PLA2R1: variants seen among roughly 807,000 people sequenced by gnomAD.
PLA2R1 encodes phospholipase A2 receptor 1, also known as secretory phospholipase A2 receptor.
In PLA2R1, 158 loss-of-function variants were observed where a neutral mutation model predicts 195.9. The ratio of observed to expected loss-of-function variants is 0.81; its 90% CI spans 0.71 to 0.92. The LOEUF (loss-of-function observed/expected upper bound fraction) is 0.92. PLA2R1 is among the 40% of genes least tolerant of loss of function. The pLI is 0.00. For missense variants in PLA2R1, 1,626 were observed against 1,764.6 expected, an observed-to-expected ratio of 0.92 and a Z score of 1.41; for synonymous variants, 586 against 598.2, an observed-to-expected ratio of 0.98 and a Z score of 0.30.
chr2:159,945,976 C>T (rs1244559962), intron 27 of PLA2R1: 18 of 970,204 alleles, frequency 1.9e-5, no homozygotes, highest in Non-Finnish European at 2.2e-5. Flanking sequence ...AAGAAAAATC[C>T]TTTGAAGTCC....
At chr2:159,993,059 A>G (rs1412832210) in intron 11 of PLA2R1, among the ~76,000 whole-genome samples, 1 of 152,190 alleles carries the variant, frequency 6.6e-6, no homozygotes, top group East Asian at 1.9e-4. Flanking sequence ...CTTAACAAGT[A>G]TAGACTCATC....
intron 10 of PLA2R1, among the ~76,000 whole-genome samples, chr2:160,009,252 C>T (rs1231724710): frequency 6.6e-6 from 1 of 152,260 alleles, no homozygotes; most frequent in Non-Finnish European, 1.5e-5. Flanking sequence ...GGTATTTGTA[C>T]ATTCATGTTC....
chr2:160,049,891 C>T (rs941766272), intron 1 of PLA2R1, among the ~76,000 whole-genome samples: 10 of 151,966 alleles, frequency 6.6e-5, no homozygotes, highest in African/African-American at 2.2e-4. Flanking sequence ...ATAACACTTA[C>T]AAGTGGGAGA....
At chr2:159,924,510 G>T in the PLA2R1 span, among the ~76,000 whole-genome samples, 2 of 152,146 alleles carry the variant, frequency 1.3e-5, no homozygotes, top group Admixed American at 1.3e-4. Context: ...CAGGAAAGGT[G>T]TTCAAAGATG....
intron 27 of PLA2R1, 157 bp downstream of exon 27, chr2:159,946,644 T>A (rs1432040499): frequency 6.5e-6 from 9 of 1,388,520 alleles, no homozygotes; most frequent in Non-Finnish European, 7.5e-6. Flanking sequence ...AAGAAAAGGG[T>A]TGCAATGTTG....
Position 160,005,685 on chromosome 2 carries a change from CCGGCT to C in PLA2R1, c.1796_1800del (p.Glu599GlyfsTer38), listed in dbSNP as rs892809510. 6.2e-7 allele frequency: 1 copy of C among 1,613,966 alleles called. No individual in the cohort carries two copies. The highest frequency in any genetic ancestry group is 8.5e-7 in the Non-Finnish European group (1 of 1,179,980). The stretch of plus-strand genomic sequence containing the variant: ...TGTGTGTTCCAGTGTGTGTACTGCA[CCGGCT>C]CGGGTTTCTGCCCTACTGGCTTCCA... On this transcript the variant is annotated frameshift_variant, in exon 11 of 30. Coordinates refer to ENST00000283243, the MANE Select transcript of PLA2R1 (RefSeq NM_007366.5). LOFTEE classifies it high-confidence loss of function.
Position 159,970,473 on chromosome 2 carries a change from C to T in PLA2R1, c.2596-261G>A, listed in dbSNP as rs3792163. Reference sequence around the variant, plus strand: ...AACTTGAAAAGTAATGTTTCTAACTCTCTAAGAAGGTTTTAAAAAGTAATA... The same window carrying T: ...AACTTGAAAAGTAATGTTTCTAACTTTCTAAGAAGGTTTTAAAAAGTAATA... On this transcript the variant is annotated intron_variant, in intron 17 of 29. Coordinates refer to ENST00000283243, the MANE Select transcript of PLA2R1 (RefSeq NM_007366.5). Among the ~76,000 whole-genome samples the T allele has an allele frequency of 0.011, 1,693 of 152,194 alleles. 147 individuals carry two copies. In the East Asian group the frequency reaches 0.2, roughly 18 times the overall value.
intron 9 of PLA2R1, among the ~76,000 whole-genome samples, chr2:160,013,713 C>CTGTG (rs1476484491): frequency 1.3e-4 from 13 of 103,426 alleles, no homozygotes; most frequent in African/African-American, 4.9e-4. Context: ...GTCTCTCTCT[C>CTGTG]TCTCTCTCTG....
At position 159,937,641 on chromosome 2, in the gene PLA2R1, C is replaced by T. The variant is rs1251888381; in HGVS notation, c.*4137G>A. On this transcript the variant is annotated 3_prime_UTR_variant, in exon 30 of 30. Coordinates refer to ENST00000283243, the MANE Select transcript of PLA2R1 (RefSeq NM_007366.5). ...CAACACATGCTTCACTTTGCTTTCA[C>T]CAGACTTTTTCTACAGCTTGTTCTC... 1.3e-5 allele frequency: 2 copies of T among 152,204 alleles called. No individual in the cohort carries two copies. Among genetic ancestry groups the T allele is most frequent in the Non-Finnish European group, 2.9e-5 (2 of 68,042 alleles). The allele number at this position is 152,204 out of a possible 1,614,324, so 9.4% of individuals were successfully genotyped here. A position where few individuals can be genotyped will look rare whatever the true frequency, so the allele number is the denominator to read the frequency against.
chr2:160,045,001 C>G lies in PLA2R1; in HGVS notation c.266G>C (p.Cys89Ser), dbSNP rs1054426611. 2.4e-5 allele frequency: 39 copies of G among 1,613,958 alleles called. No homozygotes were observed. Among genetic ancestry groups the G allele is most frequent in the Non-Finnish European group, 3.1e-5 (37 of 1,179,930 alleles). Residue 89 changes from cysteine (C) to serine (S), a missense_variant, in exon 2 of 30, where the codon TGC (cysteine) becomes TCC (serine). Physicochemically the swap from Cys to Ser is moderately radical, Grantham distance 112 (BLOSUM62 -1). Coordinates refer to ENST00000283243, the MANE Select transcript of PLA2R1 (RefSeq NM_007366.5). ...TGGGGCGGAGAAATTCAGGCCCAGG[C>G]AACCACTGCCTCCTATGTTAAAGAG... is the stretch of plus-strand genomic sequence containing the variant. Reference protein sequence around the residue: ...HGLFNIGGSGCLGLNFSAPEQ... With the variant: ...HGLFNIGGSGSLGLNFSAPEQ...
intron 9 of PLA2R1, 147 bp downstream of exon 9, chr2:160,016,467 A>C: frequency 3.6e-6 from 2 of 563,086 alleles, no homozygotes; most frequent in Admixed American, 3.5e-5. Context: ...GAGGAAAGGA[A>C]AGAAGGGGGG....
intron 3 of PLA2R1, among the ~76,000 whole-genome samples, chr2:160,040,121 G>A (rs1694431983): frequency 6.6e-6 from 1 of 152,078 alleles, no homozygotes; most frequent in African/African-American, 2.4e-5. Flanking sequence ...ATCTGTTTCA[G>A]GAGTCAAGGG....
chr2:160,024,991 G>A (rs1693406606), intron 6 of PLA2R1, among the ~76,000 whole-genome samples: 1 of 152,148 alleles, frequency 6.6e-6, no homozygotes, highest in Non-Finnish European at 1.5e-5. Context: ...AGTCACCACT[G>A]CCTGGTGCTT....
Position 160,044,927 on chromosome 2 carries a change from G to C in PLA2R1, c.340C>G (p.Arg114Gly), listed in dbSNP as rs377583685. 1.2e-6 allele frequency: 2 copies of C among 1,614,130 alleles called. No individual in the cohort carries two copies. The highest frequency in any genetic ancestry group is 2.2e-5 in the South Asian group (2 of 91,076). Residue 114 changes from arginine to glycine, a missense_variant, in exon 2 of 30, where the codon CGG (arginine) becomes GGG (glycine). Coordinates refer to ENST00000283243, the MANE Select transcript of PLA2R1 (RefSeq NM_007366.5). Reference protein sequence around the residue: ...YECDSTLVSLRWRCNRKMITG... With the variant: ...YECDSTLVSLGWRCNRKMITG... Reference sequence around the variant, plus strand: ...ATCATCTTCCTGTTACAGCGCCACCGTAAGGAAACGAGGGTGGAGTCACAT... The same window carrying C: ...ATCATCTTCCTGTTACAGCGCCACCCTAAGGAAACGAGGGTGGAGTCACAT...
At chr2:160,049,077 G>A (rs1393918245) in intron 1 of PLA2R1, among the ~76,000 whole-genome samples, 2 of 152,010 alleles carry the variant, frequency 1.3e-5, no homozygotes. Context: ...TCCTGACCTC[G>A]TGATCCGCCC....
intron 7 of PLA2R1, 111 bp downstream of exon 7, chr2:160,022,554 T>C: frequency 1.8e-6 from 1 of 545,660 alleles, no homozygotes; most frequent in South Asian, 5.3e-5. Context: ...TAAATATATG[T>C]GCAATGAATA....
chr2:159,973,481 G>T (rs1428995399), intron 17 of PLA2R1, among the ~76,000 whole-genome samples: 3 of 146,116 alleles, frequency 2.1e-5, no homozygotes, highest in East Asian at 2.1e-4. Flanking sequence ...GGGGGTGGGG[G>T]TGTCTCATGA....
chr2:160,043,194 C>A (rs545263545), intron 2 of PLA2R1, among the ~76,000 whole-genome samples: 3 of 151,970 alleles, frequency 2.0e-5, no homozygotes, highest in Non-Finnish European at 2.9e-5. Flanking sequence ...AAGTCTCTTG[C>A]GGGTTTTGAA....
chr2:159,989,282 C>T (rs1690587199), intron 11 of PLA2R1, among the ~76,000 whole-genome samples: 1 of 152,140 alleles, frequency 6.6e-6, no homozygotes, highest in Non-Finnish European at 1.5e-5. Context: ...GAATGCAGCT[C>T]ACAGTCCAGC....
Sources: gnomAD v4.1 joint callset for allele counts (sites outside exome capture counted in the v4.1 genomes callset) on GRCh38, gnomAD v4.1.1 for gene constraint, MANE v1.5 for transcripts, NCBI Gene and HGNC (gene_info 2026-07-23, HGNC 2026-07-21) for gene names.